OFD1: variants seen among roughly 807,000 people sequenced by gnomAD.
The protein encoded by OFD1 is OFD1 centriole and centriolar satellite protein, also known as centriole and centriolar satellite protein OFD1.
In OFD1, 12 loss-of-function variants were observed where a neutral mutation model predicts 81.4. The observed-to-expected ratio is 0.15, with a 90% confidence interval of 0.09 to 0.24. OFD1 has a LOEUF of 0.24. Ranked by LOEUF, OFD1 falls within the 10% of genes least tolerant of loss-of-function variation. OFD1 has a pLI of 1.00. For missense variants in OFD1, 685 were observed against 733.9 expected, an observed-to-expected ratio of 0.93 and a Z score of 0.77; for synonymous variants, 256 against 263.7, an observed-to-expected ratio of 0.97 and a Z score of 0.28.
downstream of OFD1, chrX:13,773,519 TTAAA>T (rs1356091342): frequency 9.0e-6 from 1 of 111,602 alleles, no homozygotes; most frequent in African/African-American, 3.3e-5. Flanking sequence ...ATGGAAAAAA[TTAAA>T]TGAATGTCAA....
chrX:13,769,826 C>T (rs1035889656), downstream of OFD1, among the ~76,000 whole-genome samples: 3 of 111,564 alleles, frequency 2.7e-5, no homozygotes, highest in African/African-American at 6.5e-5. Context: ...AAGCCGAGAC[C>T]GGGCCTTCAC....
the OFD1 span, chrX:13,716,255 A>G: frequency 1.6e-6 from 1 of 630,788 alleles, no homozygotes; most frequent in Non-Finnish European, 2.4e-6. Context: ...AAGAGAACAT[A>G]AGCTTTCAAA....
At chrX:13,725,364 C>T in the OFD1 span, among the ~76,000 whole-genome samples, 1 of 112,134 alleles carries the variant, frequency 8.9e-6, no homozygotes, top group South Asian at 3.7e-4. Flanking sequence ...ACAGACACCT[C>T]ATATAGGCGG....
Position 13,757,593 on chromosome X carries a change from T to C in OFD1, c.1412-67T>C, listed in dbSNP as rs1602888235. 4 of 1,125,734 alleles carry C rather than the reference T, an allele frequency of 3.6e-6. No homozygotes were observed. In the East Asian group the frequency reaches 1.2e-4, roughly 34 times the overall value. 92.8% of individuals were successfully genotyped at this position (1,125,734 alleles called of 1,213,427 possible). A position where few individuals can be genotyped will look rare whatever the true frequency, so the allele number is the denominator to read the frequency against. On this transcript the variant is annotated intron_variant, in intron 13 of 22. Transcript: ENST00000340096. ...TTTAAAACCCCTTTAACTGTTTTTG[T>C]TAAGTTAAATAAGAAAACTTAAGGT...
At chrX:13,764,233 T>C (rs771943455) in intron 19 of OFD1, among the ~76,000 whole-genome samples, 14 of 112,563 alleles carry the variant, frequency 1.2e-4, no homozygotes, top group Non-Finnish European at 2.6e-4. Flanking sequence ...CAGTGAAAAA[T>C]TGAAATAATA....
intron 11 of OFD1, among the ~76,000 whole-genome samples, chrX:13,754,077 G>C (rs1353241659): frequency 9.1e-6 from 1 of 110,003 alleles, no homozygotes; most frequent in Non-Finnish European, 1.9e-5. Flanking sequence ...CACCTCCCAG[G>C]TTCACGCCAT....
rs779051357 is a variant in OFD1 at position 13,762,438 on chromosome X, T to G, written c.2482T>G (p.Phe828Val). The G allele has an allele frequency of 1.7e-5, 19 of 1,133,274 alleles. No individual in the cohort carries two copies. The Admixed American group carries it at 4.2e-4, about 25-fold the overall frequency. The allele number at this position is 1,133,274 out of a possible 1,213,427, so 93.4% of individuals were successfully genotyped here. ...FKDNEEFESSFESAGNMPRQL... is the reference protein window; with the variant it reads ...FKDNEEFESSVESAGNMPRQL... The stretch of plus-strand genomic sequence containing the variant: ...GGATAATGAGGAGTTTGAATCATCT[T>G]TTGAATGTAAGTTCAAATATAAATA... Residue 828 changes from phenylalanine (F) to valine (V), a missense_variant, in exon 18 of 23, where the codon TTT becomes GTT. By Grantham distance (50) the Phe-to-Val change is conservative (BLOSUM62 -1). This residue lies in a region of OFD1 where 259 missense variants were observed against 254.4 expected (regional missense o/e 1.02). Transcript: ENST00000340096.
chrX:13,736,744 G>A lies in OFD1; in HGVS notation c.312+66G>A, dbSNP rs2046882875. Reference sequence around the variant, plus strand: ...AGGTTCTTCCTCTGCTGACAGTAAAGTGCTGTATGATAGCTAAGTGCTCCT... The same window carrying A: ...AGGTTCTTCCTCTGCTGACAGTAAAATGCTGTATGATAGCTAAGTGCTCCT... On this transcript the variant is annotated intron_variant, in intron 3 of 22. Transcript: ENST00000340096. 4 of 873,289 alleles carry A rather than the reference G, an allele frequency of 4.6e-6. No homozygotes were observed. In the East Asian group the frequency reaches 1.2e-4, roughly 27 times the overall value. 72.0% of individuals were successfully genotyped at this position (873,289 alleles called of 1,213,427 possible).
the OFD1 span, chrX:13,722,208 C>CCAAAAAAAAAAAAAA: frequency 2.8e-5 from 1 of 36,116 alleles, no homozygotes; most frequent in African/African-American, 1.2e-4. Flanking sequence ...TAAGCAGCAG[C>CCAAAAAAAAAAAAAA]AAAAAAAAAA....
At chrX:13,741,630 T>C (rs1346848290) in intron 5 of OFD1, among the ~76,000 whole-genome samples, 1 of 112,182 alleles carries the variant, frequency 8.9e-6, no homozygotes, top group Admixed American at 9.5e-5. Context: ...CAAGGCTGTT[T>C]ATTCACTTGG....
chrX:13,750,928 A>T (rs1399093694), intron 9 of OFD1, among the ~76,000 whole-genome samples: 1 of 112,473 alleles, frequency 8.9e-6, no homozygotes, highest in African/African-American at 3.2e-5. Context: ...TAATATCATT[A>T]TTTCATCCCA....
chrX:13,768,454 A>C (rs1359013005), intron 21 of OFD1, among the ~76,000 whole-genome samples: 1 of 112,171 alleles, frequency 8.9e-6, no homozygotes, highest in Admixed American at 9.4e-5. Flanking sequence ...TAATTTGTAA[A>C]AGTTGGGGTG....
chrX:13,752,671 G>A (rs1359403152), intron 10 of OFD1: 4 of 964,923 alleles, frequency 4.1e-6, no homozygotes, highest in Non-Finnish European at 5.3e-6. Context: ...CATAGTTATG[G>A]AGCTAGTGAA....
chrX:13,770,539 G>T (rs1255451515), downstream of OFD1, among the ~76,000 whole-genome samples: 1 of 112,372 alleles, frequency 8.9e-6, no homozygotes, highest in Non-Finnish European at 1.9e-5. Context: ...TTAGAACTAG[G>T]TTTTTTTGTA....
chrX:13,772,812 A>G, downstream of OFD1: 2 of 1,032,190 alleles, frequency 1.9e-6, no homozygotes, highest in Non-Finnish European at 2.7e-6. Context: ...ACACATCTGT[A>G]CTGCAGAGCA....
intron 15 of OFD1, among the ~76,000 whole-genome samples, chrX:13,759,784 A>C: frequency 8.9e-6 from 1 of 112,679 alleles, no homozygotes; most frequent in Middle Eastern, 4.6e-3. Flanking sequence ...TTCAGGTCAA[A>C]CTTTTCAACC....
At chrX:13,746,659 A>G (rs2047310546) in intron 7 of OFD1, 121 bp from the exon 8 acceptor site, 3 of 674,668 alleles carry the variant, frequency 4.4e-6, no homozygotes, top group Non-Finnish European at 6.7e-6. Flanking sequence ...AGATAAAACT[A>G]ACATGAAATA....
chrX:13,732,801 T>C (rs2046704036), upstream of OFD1, among the ~76,000 whole-genome samples: 1 of 112,794 alleles, frequency 8.9e-6, no homozygotes, highest in Non-Finnish European at 1.9e-5. Context: ...GGACTCCAGT[T>C]CCAAAGACAT....
intron 9 of OFD1, 101 bp from the exon 10 acceptor site, chrX:13,751,148 A>G (rs1183765879): frequency 2.1e-5 from 16 of 755,835 alleles, no homozygotes; most frequent in Non-Finnish European, 3.2e-5. Context: ...GATATCATGT[A>G]GCAGTTTTAG....
Sources: gnomAD v4.1 joint callset for allele counts (sites outside exome capture counted in the v4.1 genomes callset) on GRCh38, gnomAD v4.1.1 for gene constraint, gnomAD v4.1.1 regional missense constraint, MANE v1.5 for transcripts, NCBI Gene and HGNC (gene_info 2026-07-23, HGNC 2026-07-21) for gene names.